The following B9D1 variants were observed in gnomAD, a reference collection of about 807,000 sequenced individuals.
The protein encoded by B9D1 is B9 domain-containing protein 1.
A neutral mutation model predicts 26.1 loss-of-function variants in B9D1; 20 were observed. The observed-to-expected ratio is 0.77, with a 90% CI of 0.54 to 1.12. The LOEUF is 1.12. Among genes scored for constraint, B9D1 ranks in the 50% most tolerant of loss-of-function variants. The probability of loss-of-function intolerance (pLI) is 0.00; values close to 1 mark genes in which losing one functional copy is unlikely to be tolerated. For synonymous variants in B9D1, 105 were observed against 103.1 expected (o/e 1.02, Z -0.11); for missense variants, 260 against 273.7 (o/e 0.95, Z 0.35).
chr17:19,354,244 T>G (rs990572326), intron 3 of B9D1, among the ~76,000 whole-genome samples: 1 of 152,184 alleles, frequency 6.6e-6, no homozygotes, highest in African/African-American at 2.4e-5. Context: ...AGAATTCCAA[T>G]GTACTGGCGC....
rs745981234 is a variant in B9D1, at chr17:19,362,548, C to T, written c.22G>A (p.Val8Ile). The T allele has an allele frequency of 8.1e-5, 129 of 1,588,532 alleles. No homozygotes were observed. The highest frequency in any genetic ancestry group is 1.1e-4 in the Non-Finnish European group (126 of 1,167,588). Residue 8 changes from valine to isoleucine, a missense_variant, in exon 1 of 7, where the codon GTC becomes ATC. Physicochemically the swap from Val to Ile is conservative, Grantham distance 29. Coordinates refer to ENST00000261499, the MANE Select transcript of B9D1 (RefSeq NM_015681.6). MATASPS[V>I]FLLMVNGQVE... Reference sequence around the variant, plus strand: ...TGCCCGTTGACCATGAGTAGAAAGACGCTAGGACTCGCGGTCGCCATGGCA... The same window carrying T: ...TGCCCGTTGACCATGAGTAGAAAGATGCTAGGACTCGCGGTCGCCATGGCA...
downstream of B9D1, chr17:19,341,422 C>G: frequency 1.2e-6 from 1 of 852,386 alleles, no homozygotes; most frequent in Non-Finnish European, 1.6e-6. Flanking sequence ...TGGAGGCTGG[C>G]GTGAAGGAGC....
chr17:19,346,905 T>C, intron 5 of B9D1: 4 of 1,434,470 alleles, frequency 2.8e-6, no homozygotes, highest in Non-Finnish European at 3.6e-6. Context: ...TGTAAAGGCA[T>C]TTATCATGAT....
At position 19,362,678 on chromosome 17, in the gene B9D1, G is replaced by A. The variant is rs1911293893; in HGVS notation, c.-109C>T. On this transcript the variant is annotated 5_prime_UTR_variant, in exon 1 of 7. Transcript: ENST00000261499. ...CGTAGCGCGCAGGACACGTTTCTTGGCAGCGACACCTTCGCGAAGGCCACG... is the reference window on the plus strand; with the variant it reads ...CGTAGCGCGCAGGACACGTTTCTTGACAGCGACACCTTCGCGAAGGCCACG... 1.3e-6 allele frequency: 2 copies of A among 1,542,758 alleles called. No homozygotes were observed. Among genetic ancestry groups the A allele is most frequent in the Non-Finnish European group, 8.7e-7 (1 of 1,144,692 alleles).
downstream of B9D1, chr17:19,341,343 C>T (rs1387596820): frequency 4.9e-6 from 6 of 1,230,740 alleles, no homozygotes; most frequent in African/African-American, 7.8e-5. Flanking sequence ...TAAAATGGGG[C>T]AGAGGACAGG....
intron 5 of B9D1, among the ~76,000 whole-genome samples, 176 bp from the exon 6 acceptor site, chr17:19,344,033 G>A (rs1033785420): frequency 6.6e-5 from 10 of 152,218 alleles, no homozygotes; most frequent in Non-Finnish European, 1.5e-4. Flanking sequence ...GGGCTCCAGC[G>A]TGGGGTGTCC....
chr17:19,341,381 CTG>C (rs1191255389), downstream of B9D1: 4 of 1,186,242 alleles, frequency 3.4e-6, no homozygotes, highest in African/African-American at 3.2e-5. Flanking sequence ...GGCTTTTGCT[CTG>C]TGTCGTCCCA....
At chr17:19,337,471 C>T (rs922807586), downstream of B9D1, 1 of 482,716 alleles carries the variant, frequency 2.1e-6, no homozygotes, top group Non-Finnish European at 3.8e-6. Context: ...CCTCTGCTCT[C>T]TGTGCAAGTG....
At chr17:19,346,565 G>A (rs1439254472) in intron 5 of B9D1, among the ~76,000 whole-genome samples, 1 of 152,210 alleles carries the variant, frequency 6.6e-6, no homozygotes, top group Non-Finnish European at 1.5e-5. Flanking sequence ...CCAGGGCCCA[G>A]CTGGCCCTCT....
chr17:19,345,019 CTG>C (rs1411091003), intron 5 of B9D1, among the ~76,000 whole-genome samples: 1 of 152,260 alleles, frequency 6.6e-6, no homozygotes, highest in African/African-American at 2.4e-5. Context: ...AGCATCCCCA[CTG>C]TGCCCAGCAG....
At position 19,374,802 on chromosome 17, in the gene B9D1, G is replaced by T. The variant is rs370625450; in HGVS notation, c.-298+3057C>A. 1.3e-3 allele frequency among the ~76,000 whole-genome samples: 197 copies of T among 152,314 alleles called. 1 individual carries two copies. The highest frequency in any genetic ancestry group is 6.8e-3 in the Middle Eastern group (2 of 294). Reference sequence around the variant, plus strand: ...CAAAATTAAAAACTTTTGTGGAACAGAGGATGTTATCAAGAAAGTGAAAAG... The same window carrying T: ...CAAAATTAAAAACTTTTGTGGAACATAGGATGTTATCAAGAAAGTGAAAAG... On this transcript the variant is annotated intron_variant, in intron 1 of 5. Transcript: ENST00000477478.
downstream of B9D1, chr17:19,335,709 C>G (rs1480884410): frequency 2.6e-6 from 1 of 379,084 alleles, no homozygotes; most frequent in Non-Finnish European, 4.7e-6. Flanking sequence ...AAATAATTCT[C>G]TTGTATTTTG....
intron 1 of B9D1, among the ~76,000 whole-genome samples, chr17:19,375,629 C>T (rs1488001259): frequency 6.6e-6 from 1 of 152,158 alleles, no homozygotes; most frequent in African/African-American, 2.4e-5. Context: ...GTAATCCCAA[C>T]TACTCGGGAA....
Position 19,370,344 on chromosome 17 carries a change from G to T in B9D1, c.-298+7515C>A, listed in dbSNP as rs1911832638. 6.6e-6 allele frequency among the ~76,000 whole-genome samples: 1 copy of T among 152,254 alleles called. No homozygotes were observed. Among genetic ancestry groups the T allele is most frequent in the Non-Finnish European group, 1.5e-5 (1 of 68,044 alleles). On this transcript the variant is annotated intron_variant, in intron 1 of 5. Transcript: ENST00000477478. The surrounding 1 kb of genome is among the most constrained non-coding windows in gnomAD (Gnocchi z 5.1). The stretch of plus-strand genomic sequence containing the variant: ...AGCTCAGGGAGAACAACCCTCAGAG[G>T]AGATGGCCCCTGGCTGAGCCTGGAG...
downstream of B9D1, chr17:19,335,368 C>T (rs143670238): frequency 4.5e-6 from 7 of 1,543,046 alleles, no homozygotes; most frequent in East Asian, 1.5e-4. Flanking sequence ...ATGTGACTCA[C>T]CAATTTTTAT....
Position 19,347,375 on chromosome 17 carries a change from C to T in B9D1, c.342-44G>A. On this transcript the variant is annotated intron_variant, in intron 4 of 6. Transcript: ENST00000261499. The surrounding 1 kb of genome is among the most constrained non-coding windows in gnomAD (Gnocchi z 4.3). The stretch of plus-strand genomic sequence containing the variant: ...CAGACAGAGATGCTGAGTAAGAGAC[C>T]TTTCTGAGCCTCCAGGGAGAAGAAA... The T allele has an allele frequency of 6.2e-7, 1 of 1,607,078 alleles. No individual in the cohort carries two copies. The highest frequency in any genetic ancestry group is 8.5e-7 in the Non-Finnish European group (1 of 1,173,882).
chr17:19,346,822 G>T, intron 5 of B9D1: 1 of 1,052,262 alleles, frequency 9.5e-7, no homozygotes, highest in Non-Finnish European at 1.3e-6. Context: ...CCCTGTGCCT[G>T]ATGTTCTTCC....
chr17:19,361,696 T>C (rs564297876), intron 1 of B9D1, among the ~76,000 whole-genome samples: 2 of 152,324 alleles, frequency 1.3e-5, no homozygotes, highest in African/African-American at 4.8e-5. Flanking sequence ...CATCAGGCCC[T>C]GTCAGAGCCT....
chr17:19,341,204 G>A (rs1374793848), downstream of B9D1: 15 of 1,231,634 alleles, frequency 1.2e-5, no homozygotes, highest in South Asian at 4.1e-5. Flanking sequence ...AGGCTTGTAC[G>A]TGCACACCAC....
Sources: gnomAD v4.1 joint callset for allele counts (sites outside exome capture counted in the v4.1 genomes callset) on GRCh38, gnomAD v4.1.1 for gene constraint, Gnocchi (gnomAD v3.1) non-coding constraint, MANE v1.5 for transcripts, NCBI Gene and HGNC (gene_info 2026-07-23, HGNC 2026-07-21) for gene names.